The following MSRA variants were observed in gnomAD, a reference collection of about 807,000 sequenced individuals.
MSRA encodes mitochondrial peptide methionine sulfoxide reductase.
Under a neutral mutation model 31.3 loss-of-function variants are expected in MSRA, and 54 were observed. The observed-to-expected ratio is 1.73, with a 90% CI of 1.39 to 2.17. MSRA has a LOEUF of 2.17. Ranked by LOEUF, MSRA falls within the 30% of genes most tolerant of loss-of-function variation. The pLI is 0.00. For missense variants in MSRA, 507 were observed against 300.9 expected (o/e 1.69, Z -5.07); for synonymous variants, 169 against 116.5 (o/e 1.45, Z -2.90).
At chr8:10,186,862 T>C (rs1189878759) in intron 1 of MSRA, among the ~76,000 whole-genome samples, 1 of 152,176 alleles carries the variant, frequency 6.6e-6, no homozygotes, top group African/African-American at 2.4e-5. Flanking sequence ...GTCTTTGAGC[T>C]CTGTATGGAG....
chr8:10,122,001 C>G (rs1257157540), intron 1 of MSRA, among the ~76,000 whole-genome samples: 1 of 152,030 alleles, frequency 6.6e-6, no homozygotes, highest in Non-Finnish European at 1.5e-5. Flanking sequence ...TTTTAGAAAA[C>G]ATGGGGTTGT....
At chr8:10,349,564 G>C (rs1238430419) in intron 5 of MSRA, among the ~76,000 whole-genome samples, 3 of 152,158 alleles carry the variant, frequency 2.0e-5, no homozygotes, top group Non-Finnish European at 4.4e-5. Flanking sequence ...AACGTCCCTT[G>C]AGCACAGGTC....
At chr8:10,105,602 C>T (rs1430050249) in intron 1 of MSRA, among the ~76,000 whole-genome samples, 3 of 152,102 alleles carry the variant, frequency 2.0e-5, no homozygotes, top group African/African-American at 7.2e-5. Flanking sequence ...AGTTCTAGGG[C>T]CCTTAGAAAG....
At chr8:10,062,277 A>G (rs966066046) in intron 1 of MSRA, among the ~76,000 whole-genome samples, 10 of 152,206 alleles carry the variant, frequency 6.6e-5, no homozygotes, top group Admixed American at 1.3e-4. Flanking sequence ...TTCAGCTGAC[A>G]TCGGCAACCC....
chr8:10,388,953 G>A (rs965137050), intron 5 of MSRA, among the ~76,000 whole-genome samples: 5 of 152,216 alleles, frequency 3.3e-5, no homozygotes, highest in African/African-American at 1.2e-4. Flanking sequence ...GTCTCCAGTT[G>A]AGAATCACTG....
chr8:10,385,809 G>GGGT (rs1043433723), intron 5 of MSRA, among the ~76,000 whole-genome samples: 6 of 140,838 alleles, frequency 4.3e-5, no homozygotes, highest in African/African-American at 7.6e-5. Flanking sequence ...ACCTGGTGGG[G>GGGT]GGTGGGGTGT....
chr8:10,286,366 G>A (rs1799938392), intron 3 of MSRA, among the ~76,000 whole-genome samples: 1 of 152,130 alleles, frequency 6.6e-6, no homozygotes, highest in African/African-American at 2.4e-5. Flanking sequence ...TAAGTCTCAC[G>A]AGATCTCATG....
At chr8:10,312,391 A>G (rs990567922) in intron 4 of MSRA, among the ~76,000 whole-genome samples, 1 of 152,264 alleles carries the variant, frequency 6.6e-6, no homozygotes, top group East Asian at 1.9e-4. Flanking sequence ...CTTTGTGTCA[A>G]TAAATTTGAA....
chr8:10,374,797 C>T (rs770181709), intron 5 of MSRA, among the ~76,000 whole-genome samples: 4 of 152,140 alleles, frequency 2.6e-5, no homozygotes, highest in African/African-American at 7.2e-5. Flanking sequence ...ATGTGACCTC[C>T]GATGTTGGAG....
chr8:10,160,817 C>T (rs530577018), intron 1 of MSRA, among the ~76,000 whole-genome samples: 157 of 152,260 alleles, frequency 1.0e-3, no homozygotes, highest in Non-Finnish European at 1.7e-3. Context: ...CATGAGCCAT[C>T]GTACCCGGCC....
At chr8:10,390,056 G>A (rs949176364) in intron 5 of MSRA, among the ~76,000 whole-genome samples, 5 of 152,178 alleles carry the variant, frequency 3.3e-5, no homozygotes, top group African/African-American at 1.2e-4. Flanking sequence ...GTCTCACAGA[G>A]CCCTGCCTTC....
At chr8:10,184,986 C>A (rs1395192862) in intron 1 of MSRA, among the ~76,000 whole-genome samples, 6 of 152,154 alleles carry the variant, frequency 3.9e-5, no homozygotes, top group African/African-American at 1.4e-4. Flanking sequence ...CATATGTAGC[C>A]TTTTGATCTT....
intron 1 of MSRA, among the ~76,000 whole-genome samples, chr8:10,068,060 T>A (rs1797552383): frequency 6.6e-6 from 1 of 151,962 alleles, no homozygotes; most frequent in African/African-American, 2.4e-5. Flanking sequence ...ATTTTTGGAT[T>A]TTTAGTAGAC....
At chr8:10,186,845 G>T (rs951981645) in intron 1 of MSRA, among the ~76,000 whole-genome samples, 5 of 152,128 alleles carry the variant, frequency 3.3e-5, no homozygotes, top group Non-Finnish European at 7.4e-5. Context: ...AAACCTATAT[G>T]TCATTTGTCT....
intron 1 of MSRA, among the ~76,000 whole-genome samples, chr8:10,135,605 C>G (rs1432950704): frequency 6.6e-6 from 1 of 152,222 alleles, no homozygotes; most frequent in Non-Finnish European, 1.5e-5. Flanking sequence ...TTCATGATCC[C>G]AAGCATATAA....
At chr8:10,170,424 T>G (rs1292995714) in intron 1 of MSRA, among the ~76,000 whole-genome samples, 1 of 152,250 alleles carries the variant, frequency 6.6e-6, no homozygotes, top group Middle Eastern at 3.4e-3. Flanking sequence ...AGGAAGCAGG[T>G]CCTCAGCAGA....
intron 5 of MSRA, among the ~76,000 whole-genome samples, chr8:10,406,845 C>G (rs1807848619): frequency 6.6e-6 from 1 of 152,336 alleles, no homozygotes; most frequent in Middle Eastern, 3.4e-3. Flanking sequence ...TGAGTCTTGC[C>G]TTGTCAGACG....
intron 2 of MSRA, among the ~76,000 whole-genome samples, chr8:10,222,101 C>T (rs1368141434): frequency 6.6e-6 from 1 of 151,394 alleles, no homozygotes; most frequent in Non-Finnish European, 1.5e-5. Context: ...TTAAAGCCAC[C>T]GTGAGTGCTC....
chr8:10,244,420 C>T (rs1023316518), intron 2 of MSRA, among the ~76,000 whole-genome samples: 4 of 152,164 alleles, frequency 2.6e-5, no homozygotes, highest in African/African-American at 9.7e-5. Context: ...GGTATACACA[C>T]AATGTTTGCT....
Sources: gnomAD v4.1 joint callset for allele counts (sites outside exome capture counted in the v4.1 genomes callset) on GRCh38, gnomAD v4.1.1 for gene constraint, MANE v1.5 for transcripts, NCBI Gene and HGNC (gene_info 2026-07-23, HGNC 2026-07-21) for gene names.